MAP1B: variants seen among roughly 807,000 people sequenced by gnomAD.
MAP1B encodes the protein microtubule associated protein 1B.
A neutral mutation model predicts 176.1 loss-of-function variants in MAP1B; 12 were observed. The observed-to-expected ratio is 0.07, with a 90% confidence interval of 0.04 to 0.11. The LOEUF is 0.11. MAP1B is among the 10% of genes least tolerant of loss of function. The pLI, the probability that MAP1B is intolerant of heterozygous loss-of-function variation, is 1.00. For synonymous variants in MAP1B, 1,044 were observed against 1,135.0 expected, an observed-to-expected ratio of 0.92 and a Z score of 1.61; for missense variants, 2,523 against 2,990.5, an observed-to-expected ratio of 0.84 and a Z score of 3.65.
At chr5:72,201,187 A>G (rs1747327111) in intron 5 of MAP1B, among the ~76,000 whole-genome samples, 3 of 149,810 alleles carry the variant, frequency 2.0e-5, no homozygotes, top group Admixed American at 1.3e-4. Flanking sequence ...ACATAGCAAG[A>G]CCCTGTCTCC....
chr5:72,149,263 C>G (rs1231076607), intron 2 of MAP1B, among the ~76,000 whole-genome samples: 1 of 152,136 alleles, frequency 6.6e-6, no homozygotes, highest in Non-Finnish European at 1.5e-5. Flanking sequence ...TGTAGTAGAC[C>G]ACCTCTGAGG....
At position 72,195,710 on chromosome 5, in the gene MAP1B, T is replaced by G. The variant is rs1321903163; in HGVS notation, c.2355T>G (p.Ile785Met). Residue 785 changes from isoleucine (I) to methionine (M), a missense_variant, in exon 5 of 7, where the codon ATT becomes ATG. Ile to Met is a conservative substitution (Grantham distance 10). Around this residue, in one of 4 missense-constraint regions of MAP1B, gnomAD observed 1,925 missense variants for 2,126.0 expected, o/e 0.91. Coordinates refer to ENST00000296755, the MANE Select transcript of MAP1B (RefSeq NM_005909.5). ...KPKEKGKIKV[I>M]KKEGKAAEAV... is the part of the protein sequence containing the mutation. ...AGGAGAAGGGGAAAATAAAAGTCAT[T>G]AAGAAGGAAGGCAAGGCCGCAGAGG... 2 of 1,613,764 alleles carry G rather than the reference T, an allele frequency of 1.2e-6. No individual in the cohort carries two copies. Among genetic ancestry groups the G allele is most frequent in the Non-Finnish European group, 1.7e-6 (2 of 1,179,756 alleles).
In MAP1B at chr5:72,184,865, A is replaced by T. The variant is rs531006769; in HGVS notation, c.369+1040A>T. ...AAAATTCATCCCTTTAAAGTGTGTA[A>T]TTTGGTGGTTTTTAGTGTATTTACA... On this transcript the variant is annotated intron_variant, in intron 3 of 6. Transcript: ENST00000296755. 2.6e-5 allele frequency among the ~76,000 whole-genome samples: 4 copies of T among 152,246 alleles called. No homozygotes were observed. In the South Asian group the frequency reaches 8.3e-4, roughly 32 times the overall value.
In MAP1B at chr5:72,199,468, C is replaced by G; in HGVS notation, c.6113C>G (p.Ser2038Cys). 2.5e-6 allele frequency: 4 copies of G among 1,614,158 alleles called. No homozygotes were observed. The highest frequency in any genetic ancestry group is 3.4e-6 in the Non-Finnish European group (4 of 1,180,016). The change falls in exon 5 of 7, where the codon TCC becomes TGC. Residue 2038 changes from serine to cysteine, a missense_variant. Transcript: ENST00000296755. This position sits in a 1 kb window ranked among gnomAD's most constrained non-coding sequence, Gnocchi z 4.2. ...AAGACAACACGAACCCCTGATACTT[C>G]CACATACTGTTACGAGACTGCAGAG... ...STKTTRTPDTSTYCYETAEKI... is the reference protein window; with the variant it reads ...STKTTRTPDTCTYCYETAEKI...
chr5:72,127,711 A>G (rs1745655595), intron 2 of MAP1B, among the ~76,000 whole-genome samples: 1 of 152,242 alleles, frequency 6.6e-6, no homozygotes, highest in South Asian at 2.1e-4. Context: ...TACAATAACA[A>G]CATTAATGAT....
chr5:72,112,770 C>T (rs1232746167), intron 1 of MAP1B, among the ~76,000 whole-genome samples: 1 of 152,208 alleles, frequency 6.6e-6, no homozygotes, highest in Non-Finnish European at 1.5e-5. Context: ...AGTTATTCTG[C>T]CCCCACCTGG....
At chr5:72,146,648 T>C (rs1312951629) in intron 2 of MAP1B, among the ~76,000 whole-genome samples, 2 of 152,118 alleles carry the variant, frequency 1.3e-5, no homozygotes, top group Admixed American at 1.3e-4. Flanking sequence ...ACACAGCCAG[T>C]GAGTAATGGA....
At chr5:72,152,088 C>T (rs908666860) in intron 2 of MAP1B, among the ~76,000 whole-genome samples, 4 of 152,158 alleles carry the variant, frequency 2.6e-5, no homozygotes, top group Non-Finnish European at 5.9e-5. Flanking sequence ...ACTGAATGTC[C>T]TTTTACCATG....
In MAP1B at chr5:72,200,118, T is replaced by C; in HGVS notation, c.6763T>C (p.Ser2255Pro). The C allele has an allele frequency of 6.2e-7, 1 of 1,614,180 alleles. No individual in the cohort carries two copies. The change falls in exon 5 of 7, where the codon TCT becomes CCT. Residue 2255 changes from serine (S) to proline (P), a missense_variant. Physicochemically the swap from Ser to Pro is moderately conservative, Grantham distance 74. Around this residue, in one of 4 missense-constraint regions of MAP1B, gnomAD observed 287 missense variants for 401.5 expected, o/e 0.71. Coordinates refer to ENST00000296755, the MANE Select transcript of MAP1B (RefSeq NM_005909.5). ...TKKPGTKTKS[S>P]SPVKKSDGKS... The stretch of plus-strand genomic sequence containing the variant: ...AAAGCCAGGTACAAAGACCAAGTCA[T>C]CTTCACCTGTCAAAAAGAGTGATGG...
At chr5:72,123,261 CTG>C (rs942636734) in intron 2 of MAP1B, among the ~76,000 whole-genome samples, 12 of 152,196 alleles carry the variant, frequency 7.9e-5, no homozygotes, top group African/African-American at 2.7e-4. Flanking sequence ...TTAAAATTCA[CTG>C]TGTTTCTCAA....
intron 2 of MAP1B, among the ~76,000 whole-genome samples, chr5:72,172,953 C>T (rs1342504630): frequency 2.0e-5 from 3 of 152,182 alleles, no homozygotes; most frequent in Admixed American, 6.5e-5. Flanking sequence ...ATCTGTCTTC[C>T]TGCTTCCCTT....
chr5:72,189,790 G>A (rs1746986573), intron 4 of MAP1B, among the ~76,000 whole-genome samples: 1 of 152,130 alleles, frequency 6.6e-6, no homozygotes, highest in African/African-American at 2.4e-5. Flanking sequence ...TTTAGTCCTG[G>A]TCATGTTTTA....
intron 2 of MAP1B, among the ~76,000 whole-genome samples, chr5:72,117,697 G>A (rs559522099): frequency 3.3e-5 from 5 of 152,312 alleles, no homozygotes; most frequent in Admixed American, 2.6e-4. Flanking sequence ...TTATGCTAGA[G>A]GCTGTGTTTG....
At chr5:72,134,205 G>A (rs1579989084) in intron 2 of MAP1B, among the ~76,000 whole-genome samples, 1 of 152,178 alleles carries the variant, frequency 6.6e-6, no homozygotes, top group Non-Finnish European at 1.5e-5. Flanking sequence ...TTGCTACTTG[G>A]GGATATAAAC....
At chr5:72,166,804 C>G (rs544281142) in intron 2 of MAP1B, among the ~76,000 whole-genome samples, 16 of 152,258 alleles carry the variant, frequency 1.1e-4, no homozygotes, top group African/African-American at 1.7e-4. Context: ...GTACTTTGAG[C>G]TCGCAAGCTG....
At chr5:72,143,506 G>C (rs1487509491) in intron 2 of MAP1B, among the ~76,000 whole-genome samples, 1 of 152,164 alleles carries the variant, frequency 6.6e-6, no homozygotes, top group Non-Finnish European at 1.5e-5. Flanking sequence ...GCCAGCTCTG[G>C]TTTTTTAATT....
At chr5:72,201,264 T>TAAGTAGCTAAGGCTACTATAA (rs1747330085) in intron 5 of MAP1B, among the ~76,000 whole-genome samples, 2 of 151,118 alleles carry the variant, frequency 1.3e-5, no homozygotes. Context: ...CTTAGCTACT[T>TAAGTAGCTAAGGCTACTATAA]GGGAGGCTGA....
chr5:72,184,010 T>C (rs111602242), intron 3 of MAP1B, among the ~76,000 whole-genome samples, 185 bp downstream of exon 3: 187 of 152,266 alleles, frequency 1.2e-3, no homozygotes, highest in African/African-American at 4.4e-3. Context: ...TCCAGACCAC[T>C]CCTCCTGATA....
chr5:72,191,764 G>A (rs985018753), intron 4 of MAP1B, among the ~76,000 whole-genome samples: 4 of 152,118 alleles, frequency 2.6e-5, no homozygotes, highest in East Asian at 3.9e-4. Flanking sequence ...TGTACATCAC[G>A]GTTGTTCATT....
Sources: gnomAD v4.1 joint callset for allele counts (sites outside exome capture counted in the v4.1 genomes callset) on GRCh38, gnomAD v4.1.1 for gene constraint, gnomAD v4.1.1 regional missense constraint, Gnocchi (gnomAD v3.1) non-coding constraint, MANE v1.5 for transcripts, NCBI Gene and HGNC (gene_info 2026-07-23, HGNC 2026-07-21) for gene names.